TMEM44: variants seen among roughly 807,000 people sequenced by gnomAD.
TMEM44 encodes transmembrane protein 44.
A neutral mutation model predicts 47.8 loss-of-function variants in TMEM44; 43 were observed. That is an observed-to-expected ratio of 0.90 (90% CI 0.70 to 1.16). The LOEUF (loss-of-function observed/expected upper bound fraction) is 1.16. TMEM44 is among the 50% of genes most tolerant of loss of function. The pLI is 0.00. For synonymous variants in TMEM44, 277 were observed against 238.8 expected (o/e 1.16, Z -1.48); for missense variants, 568 against 555.2 (o/e 1.02, Z -0.23).
intron 7 of TMEM44, among the ~76,000 whole-genome samples, chr3:194,613,380 G>A (rs35595542): frequency 0.47 from 70,720 of 150,966 alleles, 17,500 homozygotes; most frequent in Non-Finnish European, 0.55. Flanking sequence ...GTTTCACCAC[G>A]TTGCCCAGGC....
chr3:194,605,608 G>A (rs961586780), intron 8 of TMEM44, among the ~76,000 whole-genome samples: 3 of 152,118 alleles, frequency 2.0e-5, no homozygotes, highest in African/African-American at 7.2e-5. Context: ...TCACTGTCAC[G>A]AGAACAGCAC....
At chr3:194,607,280 C>T (rs1270570947) in intron 8 of TMEM44, among the ~76,000 whole-genome samples, 4 of 152,132 alleles carry the variant, frequency 2.6e-5, no homozygotes, top group African/African-American at 9.7e-5. Context: ...CTCACCAGTG[C>T]AGATGCTGGC....
chr3:194,598,940 A>G (rs938108069), intron 9 of TMEM44, among the ~76,000 whole-genome samples: 8 of 152,214 alleles, frequency 5.3e-5, no homozygotes, highest in African/African-American at 1.9e-4. Flanking sequence ...CCAAGGGATC[A>G]AACGGAAGCC....
chr3:194,618,721 G>C (rs1716215733), intron 5 of TMEM44, among the ~76,000 whole-genome samples: 1 of 151,924 alleles, frequency 6.6e-6, no homozygotes, highest in Non-Finnish European at 1.5e-5. Flanking sequence ...GCTAGGGAAT[G>C]GGAAAAATTC....
Position 194,604,968 on chromosome 3 carries a change from G to A in TMEM44, c.1018-523C>T, listed in dbSNP as rs773397436. Among the ~76,000 whole-genome samples the A allele has an allele frequency of 1.2e-4, 18 of 152,358 alleles. No individual in the cohort carries two copies. In the East Asian group the frequency reaches 2.3e-3, roughly 20 times the overall value. On this transcript the variant is annotated intron_variant, in intron 8 of 9. Coordinates refer to ENST00000347147, the MANE Select transcript of TMEM44 (RefSeq NM_001011655.3). ...AGAGGCGGAATTGCTGGATTAAAGA[G>A]AGTATGTACATTTGAAATCTGTATA... is the stretch of plus-strand genomic sequence containing the variant.
chr3:194,632,794 T>TA, intron 1 of TMEM44: 1 of 418,098 alleles, frequency 2.4e-6, no homozygotes, highest in Non-Finnish European at 4.4e-6. Context: ...TGCGAGTCAA[T>TA]GGCGAAGGGC....
At chr3:194,617,498 C>T in intron 5 of TMEM44, 1 of 611,404 alleles carries the variant, frequency 1.6e-6, no homozygotes, top group African/African-American at 1.8e-5. Flanking sequence ...CCTCCCCTTA[C>T]CAACTCCACC....
At chr3:194,588,885 C>T in intron 9 of TMEM44, 1 of 513,450 alleles carries the variant, frequency 1.9e-6, no homozygotes. Flanking sequence ...CCTTCCCGCC[C>T]TCATTCTCCA....
intron 1 of TMEM44, among the ~76,000 whole-genome samples, chr3:194,629,060 A>G (rs1284587823): frequency 1.3e-5 from 2 of 151,854 alleles, no homozygotes; most frequent in Non-Finnish European, 2.9e-5. Flanking sequence ...GCTACTCCGG[A>G]GGCTGAGGCA....
chr3:194,622,916 T>C (rs2108597217), intron 5 of TMEM44: 1 of 281,714 alleles, frequency 3.5e-6, no homozygotes, highest in Non-Finnish European at 6.7e-6. Context: ...CTCCTTCTCT[T>C]ATGGGTTCAG....
At chr3:194,596,927 A>C (rs1484536135) in intron 9 of TMEM44, 1 of 151,474 alleles carries the variant, frequency 6.6e-6, no homozygotes, top group African/African-American at 2.4e-5. Flanking sequence ...TGCTGGTGCC[A>C]GAAAGTTTGG....
At chr3:194,604,596 C>T (rs708632) in intron 8 of TMEM44, 151 bp from the exon 9 acceptor site, 871,260 of 950,078 alleles carry the variant, frequency 0.92, 400,003 homozygotes, top group East Asian at 0.96. Context: ...GGCCATCCAG[C>T]TCTCCCCAGG....
intron 9 of TMEM44, among the ~76,000 whole-genome samples, chr3:194,594,353 G>A (rs1713154033): frequency 3.3e-5 from 5 of 151,824 alleles, no homozygotes; most frequent in Admixed American, 3.3e-4. Context: ...AGTAGAGATG[G>A]GGTTTCACCA....
chr3:194,620,732 T>C (rs968402545), intron 5 of TMEM44, among the ~76,000 whole-genome samples: 10 of 151,886 alleles, frequency 6.6e-5, no homozygotes, highest in South Asian at 4.2e-4. Context: ...CCAAAAGATG[T>C]TGAAGTCCCT....
chr3:194,605,756 A>G (rs1454504611), intron 8 of TMEM44, among the ~76,000 whole-genome samples: 1 of 152,228 alleles, frequency 6.6e-6, no homozygotes, highest in Non-Finnish European at 1.5e-5. Context: ...TCTGAGTCTC[A>G]GTTTCCTCAT....
intron 8 of TMEM44, among the ~76,000 whole-genome samples, chr3:194,609,294 G>A (rs534147304): frequency 1.3e-5 from 2 of 152,310 alleles, no homozygotes; most frequent in African/African-American, 4.8e-5. Context: ...CTGGTGTGCA[G>A]AGCGAGGGGA....
At chr3:194,628,316 G>C in intron 2 of TMEM44, 67 bp downstream of exon 2, 1 of 1,550,198 alleles carries the variant, frequency 6.5e-7, no homozygotes, top group Non-Finnish European at 8.7e-7. Context: ...CACGGCTGCA[G>C]CAGAGAGAAA....
chr3:194,622,926 G>A, intron 5 of TMEM44: 1 of 313,296 alleles, frequency 3.2e-6, no homozygotes, highest in Middle Eastern at 9.6e-4. Context: ...TATGGGTTCA[G>A]CCTCAGGGGC....
chr3:194,632,796 G>T, intron 1 of TMEM44: 2 of 422,876 alleles, frequency 4.7e-6, no homozygotes, highest in Non-Finnish European at 8.6e-6. Flanking sequence ...CGAGTCAATG[G>T]CGAAGGGCTG....
Sources: allele counts gnomAD v4.1 joint callset (sites outside exome capture counted in the v4.1 genomes callset), GRCh38; gene constraint gnomAD v4.1.1; transcripts MANE v1.5; gene names NCBI Gene and HGNC (gene_info 2026-07-23, HGNC 2026-07-21).